The following AGMO variants were observed in gnomAD, a reference collection of about 807,000 sequenced individuals.
AGMO encodes the protein glyceryl-ether monooxygenase.
A neutral mutation model predicts 60.2 loss-of-function variants in AGMO; 75 were observed. That is an observed-to-expected ratio of 1.25 (90% confidence interval 1.03 to 1.51). The LOEUF is 1.51. AGMO is among the 40% of genes most tolerant of loss of function. The pLI is 0.00. For synonymous variants in AGMO, 261 were observed against 177.1 expected, an observed-to-expected ratio of 1.47 and a Z score of -3.76; for missense variants, 763 against 525.5, an observed-to-expected ratio of 1.45 and a Z score of -4.42.
chr7:15,137,184 A>C, the AGMO span, among the ~76,000 whole-genome samples: 3 of 152,134 alleles, frequency 2.0e-5, no homozygotes, highest in African/African-American at 7.2e-5. Context: ...GGTTTCTGAT[A>C]TTTCTTACAC....
chr7:15,202,689 AG>A (rs2115466171), intron 12 of AGMO, among the ~76,000 whole-genome samples: 1 of 152,228 alleles, frequency 6.6e-6, no homozygotes, highest in South Asian at 2.1e-4. Context: ...TTGAAGGAGA[AG>A]TCAAGAATAA....
the AGMO span, among the ~76,000 whole-genome samples, chr7:15,169,276 A>G: frequency 6.6e-6 from 1 of 152,202 alleles, no homozygotes; most frequent in East Asian, 1.9e-4. Context: ...CCGTCGTGCA[A>G]TATGAAAGCA....
chr7:15,223,675 G>C (rs1197212705), intron 12 of AGMO, among the ~76,000 whole-genome samples: 9 of 151,918 alleles, frequency 5.9e-5, no homozygotes, highest in Non-Finnish European at 1.3e-4. Context: ...TCTGCTACAT[G>C]AAGAAGTCTT....
chr7:15,299,293 A>C (rs992806004), intron 12 of AGMO, among the ~76,000 whole-genome samples: 1 of 152,152 alleles, frequency 6.6e-6, no homozygotes, highest in Non-Finnish European at 1.5e-5. Flanking sequence ...ACATTGCCCA[A>C]AATATTTAGG....
chr7:15,204,551 G>T (rs1187379699), intron 12 of AGMO, among the ~76,000 whole-genome samples: 4 of 152,094 alleles, frequency 2.6e-5, no homozygotes, highest in Non-Finnish European at 4.4e-5. Flanking sequence ...CTAGTTCTAG[G>T]CAAGTCCCAT....
At chr7:15,292,093 A>C (rs941916279) in intron 12 of AGMO, among the ~76,000 whole-genome samples, 7 of 152,118 alleles carry the variant, frequency 4.6e-5, no homozygotes, top group African/African-American at 1.7e-4. Context: ...CAAGAGTGAT[A>C]CTGTGAGGTG....
At chr7:15,301,652 G>T (rs181346423) in intron 12 of AGMO, among the ~76,000 whole-genome samples, 7 of 152,108 alleles carry the variant, frequency 4.6e-5, no homozygotes, top group Admixed American at 4.6e-4. Context: ...AGTGTTGAAG[G>T]TCCACGATAC....
At chr7:15,211,910 G>A (rs771098781) in intron 12 of AGMO, among the ~76,000 whole-genome samples, 14 of 151,910 alleles carry the variant, frequency 9.2e-5, no homozygotes, top group Non-Finnish European at 1.5e-4. Flanking sequence ...ACAAAGCTGA[G>A]TCAATTTTGA....
intron 12 of AGMO, among the ~76,000 whole-genome samples, chr7:15,215,454 TCCC>T (rs1187717501): frequency 6.6e-6 from 1 of 152,056 alleles, no homozygotes; most frequent in South Asian, 2.1e-4. Context: ...ACCGGAATTC[TCCC>T]CCATGAGTTT....
At chr7:15,197,849 G>A (rs184448908), downstream of AGMO, among the ~76,000 whole-genome samples, 2 of 152,272 alleles carry the variant, frequency 1.3e-5, no homozygotes, top group Non-Finnish European at 2.9e-5. Context: ...TTATTCAGAT[G>A]TCTGACATCG....
In AGMO at chr7:15,366,170, A is replaced by T. The variant is rs1382074709; in HGVS notation, c.1127T>A (p.Leu376Ter). ...ATCCAGAAGAAATCCAATGGAAGTC[A>T]AGGTCAGGATAATGAAGCAAACCCT... The part of the protein sequence containing the change: ...LLRVCFIILT[L>*]TSIGFLLDQR... The change falls in exon 11 of 13, where the codon TTG becomes TAG. Residue 376 changes from leucine to a stop codon, truncating the protein, a stop_gained. Transcript: ENST00000342526. LOFTEE classifies it high-confidence loss of function. 6.2e-7 allele frequency: 1 copy of T among 1,608,984 alleles called. No homozygotes were observed. The highest frequency in any genetic ancestry group is 1.1e-5 in the South Asian group (1 of 90,252).
At chr7:15,336,552 C>T (rs369674123) in intron 12 of AGMO, among the ~76,000 whole-genome samples, 2 of 152,172 alleles carry the variant, frequency 1.3e-5, no homozygotes, top group South Asian at 2.1e-4. Context: ...TACACAATTG[C>T]GTGTTCCTAG....
In AGMO at chr7:15,441,722, T is replaced by C. The variant is rs182939655; in HGVS notation, c.410-10614A>G. Among the ~76,000 whole-genome samples the C allele has an allele frequency of 2.6e-5, 4 of 152,278 alleles. No individual in the cohort carries two copies. The East Asian group carries it at 7.7e-4, about 29-fold the overall frequency. ...ACCATATTATATTTGGAACAATGCT[T>C]TCTATAATTTGTCTCCACAAGCTAC... On this transcript the variant is annotated intron_variant, in intron 3 of 12. Coordinates refer to ENST00000342526, the MANE Select transcript of AGMO (RefSeq NM_001004320.2).
intron 12 of AGMO, among the ~76,000 whole-genome samples, chr7:15,284,780 G>A (rs1221262825): frequency 6.6e-6 from 1 of 151,618 alleles, no homozygotes; most frequent in East Asian, 1.9e-4. Context: ...CAACAAAAAA[G>A]AAAACCACAG....
chr7:15,330,831 A>C (rs1357104475), intron 12 of AGMO, among the ~76,000 whole-genome samples: 9 of 151,980 alleles, frequency 5.9e-5, no homozygotes, highest in Admixed American at 5.9e-4. Flanking sequence ...TAATCTGCCA[A>C]ATGGAAGTGT....
intron 12 of AGMO, among the ~76,000 whole-genome samples, chr7:15,205,670 C>CTT (rs1781421465): frequency 6.6e-6 from 1 of 151,986 alleles, no homozygotes; most frequent in African/African-American, 2.4e-5. Flanking sequence ...AGATGTCAGA[C>CTT]TTAGTCATTT....
At chr7:15,226,355 A>G (rs1000838119) in intron 12 of AGMO, among the ~76,000 whole-genome samples, 6 of 152,134 alleles carry the variant, frequency 3.9e-5, no homozygotes, top group African/African-American at 1.4e-4. Flanking sequence ...GCCATGTCAG[A>G]CATGACCTTA....
chr7:15,337,277 A>T (rs1292084552), intron 12 of AGMO, among the ~76,000 whole-genome samples: 1 of 152,232 alleles, frequency 6.6e-6, no homozygotes, highest in Non-Finnish European at 1.5e-5. Flanking sequence ...ATATGCAAGA[A>T]GGAAGGCCTT....
At chr7:15,126,436 T>C in the AGMO span, among the ~76,000 whole-genome samples, 1 of 152,092 alleles carries the variant, frequency 6.6e-6, no homozygotes, top group Admixed American at 6.6e-5. Context: ...TATTACTGCC[T>C]GTAATCATGG....
Sources: allele counts gnomAD v4.1 joint callset (sites outside exome capture counted in the v4.1 genomes callset), GRCh38; gene constraint gnomAD v4.1.1; transcripts MANE v1.5; gene names NCBI Gene and HGNC (gene_info 2026-07-23, HGNC 2026-07-21).